Variants in CIT observed in about 807,000 individuals in gnomAD.
The protein encoded by CIT is citron rho-interacting serine/threonine kinase.
A neutral mutation model predicts 272.7 loss-of-function variants in CIT; 79 were observed. The ratio of observed to expected loss-of-function variants is 0.29; its 90% CI spans 0.24 to 0.35. The LOEUF is 0.35. Ranked by LOEUF, CIT falls within the 10% of genes least tolerant of loss-of-function variation. CIT has a pLI of 1.00. For synonymous variants in CIT, 948 were observed against 995.6 expected (o/e 0.95, Z 0.90); for missense variants, 1,909 against 2,618.3 (o/e 0.73, Z 5.91).
chr12:119,741,701 A>G (rs912236232), intron 24 of CIT, among the ~76,000 whole-genome samples: 7 of 152,184 alleles, frequency 4.6e-5, no homozygotes, highest in Admixed American at 2.6e-4. Context: ...ATAAAGTGAC[A>G]AAAAGGCCAA....
chr12:119,872,091 T>C (rs1366216995), intron 2 of CIT, among the ~76,000 whole-genome samples: 1 of 152,250 alleles, frequency 6.6e-6, no homozygotes, highest in African/African-American at 2.4e-5. Flanking sequence ...GATATCTTTT[T>C]TATAAAACTA....
chr12:119,752,675 T>C (rs964441167), intron 22 of CIT, among the ~76,000 whole-genome samples: 1 of 152,232 alleles, frequency 6.6e-6, no homozygotes, highest in Non-Finnish European at 1.5e-5. Context: ...TTCTATTTAT[T>C]TTAAACACGC....
At chr12:119,777,024 G>A (rs1963817605) in intron 13 of CIT, among the ~76,000 whole-genome samples, 182 bp from the exon 14 acceptor site, 1 of 152,212 alleles carries the variant, frequency 6.6e-6, no homozygotes. Context: ...GGAGGCCAAG[G>A]CAGGTGGATC....
intron 28 of CIT, among the ~76,000 whole-genome samples, chr12:119,724,896 A>G (rs1958000753): frequency 7.8e-6 from 1 of 128,270 alleles, no homozygotes; most frequent in Non-Finnish European, 1.5e-5. Flanking sequence ...AGATCACTGC[A>G]CTCCAGTCTG....
intron 10 of CIT, among the ~76,000 whole-genome samples, chr12:119,801,571 T>C (rs1966205166): frequency 1.3e-5 from 2 of 152,146 alleles, no homozygotes; most frequent in African/African-American, 4.8e-5. Flanking sequence ...GCCAGCCCAC[T>C]GCTAACCAGA....
intron 4 of CIT, among the ~76,000 whole-genome samples, chr12:119,851,885 T>G (rs747271007): frequency 6.6e-6 from 1 of 151,956 alleles, no homozygotes; most frequent in Non-Finnish European, 1.5e-5. Flanking sequence ...ATACAAAAAG[T>G]AGCTGGGTGT....
At chr12:119,815,892 C>T (rs1967138402) in intron 9 of CIT, among the ~76,000 whole-genome samples, 1 of 151,972 alleles carries the variant, frequency 6.6e-6, no homozygotes, top group Non-Finnish European at 1.5e-5. Flanking sequence ...GCCGTATAAC[C>T]TTCTGTATAA....
At position 119,748,532 on chromosome 12, in the gene CIT, A is replaced by G. The variant is rs138448565; in HGVS notation, c.2904+3518T>C. On this transcript the variant is annotated intron_variant, in intron 23 of 47. Coordinates refer to ENST00000392521, the MANE Select transcript of CIT (RefSeq NM_001206999.2). ...TCAGGGTGAAGGCAGGCACCAGGCA[A>G]GAATGTCACCTTACATGCCCCGATT... Among the ~76,000 whole-genome samples the G allele has an allele frequency of 5.0e-3, 755 of 152,326 alleles. 5 individuals carry two copies. Among genetic ancestry groups the G allele is most frequent in the Non-Finnish European group, 8.0e-3 (546 of 68,018 alleles).
At chr12:119,746,421 C>A (rs201351221) in intron 23 of CIT, among the ~76,000 whole-genome samples, 1 of 152,236 alleles carries the variant, frequency 6.6e-6, no homozygotes, top group African/African-American at 2.4e-5. Flanking sequence ...CTGTAATTTG[C>A]CAGTCTCTGC....
intron 9 of CIT, 94 bp from the exon 10 acceptor site, chr12:119,803,483 C>T (rs1379951236): frequency 3.6e-5 from 33 of 915,192 alleles, no homozygotes; most frequent in Non-Finnish European, 5.2e-5. Context: ...ACTCCTTCGG[C>T]GCTGGCGATG....
chr12:119,699,173 T>C (rs1593383426), intron 44 of CIT, among the ~76,000 whole-genome samples: 2 of 151,094 alleles, frequency 1.3e-5, no homozygotes, highest in Admixed American at 6.6e-5. Context: ...GGAGAATCAC[T>C]TGAACCCGGG....
At chr12:119,709,764 G>GAGAGAGAGAA (rs767988155) in intron 39 of CIT, among the ~76,000 whole-genome samples, 5 of 50,370 alleles carry the variant, frequency 9.9e-5, no homozygotes, top group African/African-American at 3.9e-4. Context: ...GTTCAGGAAA[G>GAGAGAGAGAA]AGAGAGAGAG....
intron 10 of CIT, among the ~76,000 whole-genome samples, chr12:119,796,057 G>A (rs1357214215): frequency 6.6e-6 from 1 of 152,252 alleles, no homozygotes; most frequent in African/African-American, 2.4e-5. Flanking sequence ...TGTCCTTAAT[G>A]AGCCTTGAAC....
chr12:119,816,394 T>G (rs1410350341), intron 9 of CIT, among the ~76,000 whole-genome samples: 1 of 152,136 alleles, frequency 6.6e-6, no homozygotes, highest in Non-Finnish European at 1.5e-5. Flanking sequence ...GCAGTCCCAT[T>G]CACCCATAGG....
rs527663859 is a variant in CIT at position 119,713,098 on chromosome 12, G to A, written c.4579+105C>T. The stretch of plus-strand genomic sequence containing the variant: ...TTGTAAGTTTCAAAAATGGAAAAGC[G>A]TAGAAGGCTTGCAAGGCAGTCCAAA... On this transcript the variant is annotated intron_variant, in intron 35 of 47. Transcript: ENST00000392521. This position sits in a 1 kb window ranked among gnomAD's most constrained non-coding sequence, Gnocchi z 5.2. The A allele has an allele frequency of 8.0e-5, 65 of 813,886 alleles. No homozygotes were observed. Among genetic ancestry groups the A allele is most frequent in the African/African-American group, 7.4e-4 (43 of 58,284 alleles). The allele number at this position is 813,886 out of a possible 1,614,324, so 50.4% of individuals were successfully genotyped here.
At chr12:119,827,299 C>G (rs1283189491) in intron 7 of CIT, among the ~76,000 whole-genome samples, 1 of 152,082 alleles carries the variant, frequency 6.6e-6, no homozygotes, top group Non-Finnish European at 1.5e-5. Flanking sequence ...CTGAAAGTAG[C>G]TTAAGTCAAG....
At chr12:119,711,092 G>A (rs749175528) in intron 37 of CIT, 2 of 1,366,686 alleles carry the variant, frequency 1.5e-6, no homozygotes, top group East Asian at 4.5e-5. Context: ...ACAGTCGCGG[G>A]CCTATTGTAC....
At chr12:119,696,193 T>C (rs1213317880) in intron 46 of CIT, among the ~76,000 whole-genome samples, 2 of 152,206 alleles carry the variant, frequency 1.3e-5, no homozygotes. Flanking sequence ...ACACCTTTCT[T>C]ATCCTTTGAA....
At position 119,728,655 on chromosome 12, in the gene CIT, T is replaced by A. The variant is rs202153671; in HGVS notation, c.3487-49A>T. ...TAATGCCACACTTAGGAATGTTAGA[T>A]GCTGACAACGTTTATGAATGTCCAC... On this transcript the variant is annotated intron_variant, in intron 27 of 47. Transcript: ENST00000392521. The surrounding 1 kb of genome is among the most constrained non-coding windows in gnomAD (Gnocchi z 4.3). 4 of 1,252,376 alleles carry A rather than the reference T, an allele frequency of 3.2e-6. No homozygotes were observed. Among genetic ancestry groups the A allele is most frequent in the Non-Finnish European group, 4.6e-6 (4 of 864,166 alleles). 77.6% of individuals were successfully genotyped at this position (1,252,376 alleles called of 1,614,324 possible).
Sources: allele counts gnomAD v4.1 joint callset (sites outside exome capture counted in the v4.1 genomes callset), GRCh38; gene constraint gnomAD v4.1.1; non-coding constraint Gnocchi (gnomAD v3.1); transcripts MANE v1.5; gene names NCBI Gene and HGNC (gene_info 2026-07-23, HGNC 2026-07-21).